Variants in SLFN5 observed in about 807,000 individuals in gnomAD.
SLFN5 encodes the protein schlafen family member 5.
Under a neutral mutation model 48.5 loss-of-function variants are expected in SLFN5, and 34 were observed. That is an observed-to-expected ratio of 0.70 (90% CI 0.53 to 0.93). SLFN5 has a LOEUF of 0.93. SLFN5 is among the 40% of genes least tolerant of loss of function. The pLI is 0.00. For missense variants in SLFN5, 1,006 were observed against 1,071.3 expected, an observed-to-expected ratio of 0.94 and a Z score of 0.85; for synonymous variants, 387 against 396.2, an observed-to-expected ratio of 0.98 and a Z score of 0.28.
intron 1 of SLFN5, among the ~76,000 whole-genome samples, chr17:35,248,470 T>G (rs2092435631): frequency 6.6e-6 from 1 of 152,232 alleles, no homozygotes; most frequent in African/African-American, 2.4e-5. Flanking sequence ...GATGCCTCCG[T>G]GTATCCAGCT....
chr17:35,256,508 CT>C (rs367715526), intron 1 of SLFN5, among the ~76,000 whole-genome samples: 62 of 149,004 alleles, frequency 4.2e-4, no homozygotes, highest in South Asian at 1.9e-3. Context: ...AGGATATCTG[CT>C]TTTTTTTTTC....
chr17:35,271,397 A>C lies in SLFN5; in HGVS notation c.*5509A>C, dbSNP rs951537213. 5 of 152,360 alleles carry C rather than the reference A, an allele frequency of 3.3e-5. No homozygotes were observed. Among genetic ancestry groups the C allele is most frequent in the African/African-American group, 9.6e-5 (4 of 41,598 alleles). The allele number at this position is 152,360 out of a possible 1,614,324, so 9.4% of individuals were successfully genotyped here. A position where few individuals can be genotyped will look rare whatever the true frequency, so the allele number is the denominator to read the frequency against. On this transcript the variant is annotated 3_prime_UTR_variant, in exon 5 of 5. Transcript: ENST00000299977. ...AGAACAAATAAATTAGTGAAACATA[A>C]GGTTAAGTCTATACATATTATTTTC... is the stretch of plus-strand genomic sequence containing the variant.
In SLFN5 at chr17:35,271,833, C is replaced by G. The variant is rs1017194644; in HGVS notation, c.*5945C>G. The G allele has an allele frequency of 6.6e-6, 1 of 152,098 alleles. No individual in the cohort carries two copies. Among genetic ancestry groups the G allele is most frequent in the Non-Finnish European group, 1.5e-5 (1 of 68,042 alleles). 9.4% of individuals were successfully genotyped at this position (152,098 alleles called of 1,614,324 possible). A position where few individuals can be genotyped will look rare whatever the true frequency, so the allele number is the denominator to read the frequency against. ...TTGCCTGAGTCCAGGAGTTCCAGAC[C>G]AGCCTGGACAACATGGTGAAATCCC... On this transcript the variant is annotated 3_prime_UTR_variant, in exon 5 of 5. Coordinates refer to ENST00000299977, the MANE Select transcript of SLFN5 (RefSeq NM_144975.4).
chr17:35,251,360 G>T (rs1002143813), intron 1 of SLFN5, among the ~76,000 whole-genome samples: 5 of 152,188 alleles, frequency 3.3e-5, no homozygotes, highest in Non-Finnish European at 7.3e-5. Context: ...CTGACCTCAT[G>T]GTTTCTCATG....
At position 35,265,425 on chromosome 17, in the gene SLFN5, C is replaced by T. The variant is rs779921381; in HGVS notation, c.2213C>T (p.Pro738Leu). The T allele has an allele frequency of 6.2e-7, 1 of 1,614,220 alleles. No individual in the cohort carries two copies. ...CGACAAAATCCTCCACCTAACCTCC[C>T]CCCTGGGTCCCTGGTGATGCTCTAT... ...EARQNPPPNL[P>L]PGSLVMLYEP... Residue 738 changes from proline (P) to leucine (L), a missense_variant, in exon 5 of 5, where the codon CCC becomes CTC. Transcript: ENST00000299977.
At chr17:35,249,641 C>A (rs2092438037) in intron 1 of SLFN5, among the ~76,000 whole-genome samples, 1 of 152,214 alleles carries the variant, frequency 6.6e-6, no homozygotes, top group African/African-American at 2.4e-5. Flanking sequence ...TTAACTGTAG[C>A]CCTTGGTCCC....
Position 35,265,435 on chromosome 17 carries a change from C to T in SLFN5, c.2223C>T (p.Ser741=). Residue 741 remains serine, a synonymous_variant, in exon 5 of 5, where the codon TCC becomes TCT. Transcript: ENST00000299977. ...CTCCACCTAACCTCCCCCCTGGGTC[C>T]CTGGTGATGCTCTATGAACCTAAAT... The part of the protein sequence containing the change: ...QNPPPNLPPG[S]LVMLYEPKWA... 1 of 1,614,194 alleles carries T rather than the reference C, an allele frequency of 6.2e-7. No homozygotes were observed. Among genetic ancestry groups the T allele is most frequent in the Non-Finnish European group, 8.5e-7 (1 of 1,180,040 alleles).
At chr17:35,260,897 CTT>C in intron 2 of SLFN5, 72 bp from the exon 3 acceptor site, 1 of 1,560,942 alleles carries the variant, frequency 6.4e-7, no homozygotes, top group South Asian at 1.2e-5. Flanking sequence ...AGGTGAAAGA[CTT>C]TGTAGCACAG....
At chr17:35,259,947 G>A in intron 2 of SLFN5, 1 of 486,940 alleles carries the variant, frequency 2.1e-6, no homozygotes, top group Non-Finnish European at 3.6e-6. Context: ...TTAAAGGCTG[G>A]TGCAGGGGGC....
intron 1 of SLFN5, among the ~76,000 whole-genome samples, chr17:35,255,838 G>A (rs891215096): frequency 6.6e-6 from 1 of 152,094 alleles, no homozygotes; most frequent in Non-Finnish European, 1.5e-5. Context: ...CTATTTCTCT[G>A]TCTCCCTAAT....
chr17:35,250,473 G>T (rs191362911), intron 1 of SLFN5, among the ~76,000 whole-genome samples: 1 of 152,160 alleles, frequency 6.6e-6, no homozygotes, highest in Non-Finnish European at 1.5e-5. Flanking sequence ...TGGCTAAAAC[G>T]GTGAAACCCG....
rs1406431510 is a variant in SLFN5 at position 35,273,352 on chromosome 17, C to T, written c.*7464C>T. 2 of 152,128 alleles carry T rather than the reference C, an allele frequency of 1.3e-5. No individual in the cohort carries two copies. Among genetic ancestry groups the T allele is most frequent in the Non-Finnish European group, 2.9e-5 (2 of 67,998 alleles). The allele number at this position is 152,128 out of a possible 1,614,324, so 9.4% of individuals were successfully genotyped here. The stretch of plus-strand genomic sequence containing the variant: ...CAGAGTGAAAAAAAGATAGCTTTTG[C>T]TTTTTATGACTTTTGGATTCTGTAC... On this transcript the variant is annotated 3_prime_UTR_variant, in exon 5 of 5. Coordinates refer to ENST00000299977, the MANE Select transcript of SLFN5 (RefSeq NM_144975.4).
chr17:35,263,873 G>A (rs1904593176), intron 3 of SLFN5, among the ~76,000 whole-genome samples: 2 of 151,238 alleles, frequency 1.3e-5, no homozygotes, highest in South Asian at 2.1e-4. Context: ...CAGCTCAGGT[G>A]TTTCCTTCTT....
intron 2 of SLFN5, 199 bp downstream of exon 2, chr17:35,259,901 G>T (rs1450235713): frequency 3.1e-6 from 2 of 650,908 alleles, no homozygotes; most frequent in African/African-American, 3.7e-5. Flanking sequence ...ATCTTAAATA[G>T]TCTTCATTCA....
chr17:35,250,388 G>A (rs747351271), intron 1 of SLFN5, among the ~76,000 whole-genome samples: 15 of 152,122 alleles, frequency 9.9e-5, no homozygotes, highest in Non-Finnish European at 1.8e-4. Context: ...GGCTGGGCGC[G>A]GTGGCTCACG....
At chr17:35,249,593 C>T (rs939090964) in intron 1 of SLFN5, among the ~76,000 whole-genome samples, 2 of 152,188 alleles carry the variant, frequency 1.3e-5, no homozygotes, top group Non-Finnish European at 1.5e-5. Context: ...TTCAAGTAAC[C>T]CACATATAAG....
Position 35,259,010 on chromosome 17 carries a change from G to T in SLFN5, c.320G>T (p.Gly107Val), listed in dbSNP as rs774150184. ...IFVKSWNTEAGVPLATLCSNL... is the reference protein window; with the variant it reads ...IFVKSWNTEAVVPLATLCSNL... ...GTGAAATCATGGAACACAGAGGCTG[G>T]TGTGCCACTTGCTACCTTATGCTCC... The change falls in exon 2 of 5, where the codon GGT (glycine) becomes GTT (valine). Residue 107 changes from glycine to valine, a missense_variant. Physicochemically the swap from Gly to Val is moderately radical, Grantham distance 109 (BLOSUM62 -3). Coordinates refer to ENST00000299977, the MANE Select transcript of SLFN5 (RefSeq NM_144975.4). The T allele has an allele frequency of 5.6e-6, 9 of 1,614,036 alleles. No homozygotes were observed. Among genetic ancestry groups the T allele is most frequent in the Non-Finnish European group, 7.6e-6 (9 of 1,180,046 alleles).
rs1904802519 is a variant in SLFN5, at chr17:35,270,471, T to A, written c.*4583T>A. On this transcript the variant is annotated 3_prime_UTR_variant, in exon 5 of 5. Transcript: ENST00000299977. ...TTGGTACAGGTAGGGAAAATCTAGG[T>A]AAACCACGGTAATACACTGAGGCTG... 6.6e-6 allele frequency: 1 copy of A among 152,170 alleles called. No individual in the cohort carries two copies. The highest frequency in any genetic ancestry group is 1.5e-5 in the Non-Finnish European group (1 of 68,044). 9.4% of individuals were successfully genotyped at this position (152,170 alleles called of 1,614,324 possible). A position where few individuals can be genotyped will look rare whatever the true frequency, so the allele number is the denominator to read the frequency against.
chr17:35,243,696 T>G (rs1050878519), intron 1 of SLFN5, among the ~76,000 whole-genome samples: 5 of 152,164 alleles, frequency 3.3e-5, no homozygotes, highest in African/African-American at 1.2e-4. Flanking sequence ...AGTGACTAAC[T>G]AGAGCCCTAG....
Sources: gnomAD v4.1 joint callset for allele counts (sites outside exome capture counted in the v4.1 genomes callset) on GRCh38, gnomAD v4.1.1 for gene constraint, MANE v1.5 for transcripts, NCBI Gene and HGNC (gene_info 2026-07-23, HGNC 2026-07-21) for gene names.